NAA60: variants seen among roughly 807,000 people sequenced by gnomAD.
NAA60 encodes N-alpha-acetyltransferase 60, NatF catalytic subunit.
NAA60 carries 8 observed loss-of-function variants against 26.1 expected under a neutral mutation model. The ratio of observed to expected loss-of-function variants is 0.31; its 90% CI spans 0.18 to 0.55. The LOEUF (loss-of-function observed/expected upper bound fraction) is 0.55. NAA60 is among the 20% of genes least tolerant of loss of function. NAA60 has a pLI of 0.93. For missense variants in NAA60, 290 were observed against 311.3 expected, an observed-to-expected ratio of 0.93 and a Z score of 0.51; for synonymous variants, 131 against 122.5, an observed-to-expected ratio of 1.07 and a Z score of -0.46.
chr16:3,453,002 C>T (rs1259200934), intron 2 of NAA60, among the ~76,000 whole-genome samples: 1 of 152,038 alleles, frequency 6.6e-6, no homozygotes, highest in Admixed American at 6.6e-5. Flanking sequence ...GGCTGCGGGC[C>T]GTTTGCCCTG....
intron 6 of NAA60, 185 bp downstream of exon 6, chr16:3,483,782 C>T (rs998310838): frequency 3.4e-6 from 2 of 596,010 alleles, no homozygotes; most frequent in Non-Finnish European, 5.9e-6. Context: ...AATCGAGTTG[C>T]ACATATTACC....
chr16:3,476,071 C>T (rs1170306711), intron 2 of NAA60, 151 bp from the exon 3 acceptor site: 4 of 603,284 alleles, frequency 6.6e-6, no homozygotes, highest in Non-Finnish European at 8.6e-6. Flanking sequence ...CTTGGGAGGG[C>T]GATCGTGAGA....
chr16:3,478,648 ATGAGCAGCCG>A (rs1490048642), intron 3 of NAA60, among the ~76,000 whole-genome samples: 1 of 151,994 alleles, frequency 6.6e-6, no homozygotes, highest in Non-Finnish European at 1.5e-5. Flanking sequence ...CTCATTGTTG[ATGAGCAGCCG>A]TTAGCAGCCT....
rs1332209182 is a variant in NAA60, at chr16:3,483,370, C to T, written c.345C>T (p.Leu115=). 1 of 1,608,658 alleles carries T rather than the reference C, an allele frequency of 6.2e-7. No individual in the cohort carries two copies. Among genetic ancestry groups the T allele is most frequent in the African/African-American group, 1.3e-5 (1 of 74,950 alleles). The change falls in exon 6 of 8, where the codon CTC becomes CTT. Residue 115 remains leucine (L), a synonymous_variant. Transcript: ENST00000407558. ...TTACCTCTTCTCCCCAAGGTTCCCT[C>T]TTACTTGAAAGTTTAAAGGATCACA... is the stretch of plus-strand genomic sequence containing the variant. The part of the protein sequence containing the change: ...KEFRKHGIGS[L]LLESLKDHIS...
intron 2 of NAA60, among the ~76,000 whole-genome samples, chr16:3,454,809 C>T (rs2034913213): frequency 6.6e-6 from 1 of 152,120 alleles, no homozygotes; most frequent in Non-Finnish European, 1.5e-5. Context: ...ATGGGATGAC[C>T]TTAATGGGTT....
intron 2 of NAA60, among the ~76,000 whole-genome samples, chr16:3,449,350 T>C (rs1179751996): frequency 1.3e-5 from 2 of 151,600 alleles, no homozygotes; most frequent in Non-Finnish European, 2.9e-5. Flanking sequence ...AACCCCATCT[T>C]TACTAAAAAT....
At chr16:3,444,443 G>C (rs1441640212) in intron 1 of NAA60, among the ~76,000 whole-genome samples, 1 of 152,024 alleles carries the variant, frequency 6.6e-6, no homozygotes, top group Non-Finnish European at 1.5e-5. Context: ...TTATAAAGGT[G>C]TTTGGGGAAA....
intron 2 of NAA60, among the ~76,000 whole-genome samples, chr16:3,450,351 C>G (rs2034726632): frequency 6.6e-6 from 1 of 152,116 alleles, no homozygotes; most frequent in Non-Finnish European, 1.5e-5. Context: ...TTCTCAGGGT[C>G]TGCCTAGGAA....
chr16:3,446,751 T>C (rs1242557040), intron 1 of NAA60, among the ~76,000 whole-genome samples: 1 of 151,862 alleles, frequency 6.6e-6, no homozygotes, highest in Non-Finnish European at 1.5e-5. Context: ...GATGAGATGA[T>C]GGGCAGATGC....
At chr16:3,451,793 C>T (rs977853207) in intron 2 of NAA60, among the ~76,000 whole-genome samples, 5 of 151,694 alleles carry the variant, frequency 3.3e-5, no homozygotes, top group Middle Eastern at 3.2e-3. Flanking sequence ...TGGTAGGCGC[C>T]TGTACTCCCA....
intron 3 of NAA60, among the ~76,000 whole-genome samples, chr16:3,478,807 A>G (rs1446124938): frequency 6.6e-6 from 1 of 152,104 alleles, no homozygotes; most frequent in African/African-American, 2.4e-5. Flanking sequence ...AGTCTCACAG[A>G]TTCTCGTAGG....
At chr16:3,460,050 G>C (rs891270553) in intron 2 of NAA60, among the ~76,000 whole-genome samples, 1 of 152,178 alleles carries the variant, frequency 6.6e-6, no homozygotes, top group Non-Finnish European at 1.5e-5. Context: ...ACCTGTTAGC[G>C]GTGGTTAGAC....
chr16:3,471,142 C>T (rs933195773), intron 2 of NAA60, among the ~76,000 whole-genome samples: 5 of 152,110 alleles, frequency 3.3e-5, no homozygotes, highest in Admixed American at 2.0e-4. Flanking sequence ...ATGAGAGATG[C>T]GAGCTTATTA....
chr16:3,462,908 T>A (rs2035503205), intron 2 of NAA60, among the ~76,000 whole-genome samples: 1 of 152,168 alleles, frequency 6.6e-6, no homozygotes, highest in Non-Finnish European at 1.5e-5. Flanking sequence ...TTTTTAAATG[T>A]TTTTTTGAAA....
rs1340821265 is a variant in NAA60 at position 3,486,593 on chromosome 16, C to G, written c.*1333C>G. 6.6e-6 allele frequency: 1 copy of G among 152,408 alleles called. No individual in the cohort carries two copies. Among genetic ancestry groups the G allele is most frequent in the Non-Finnish European group, 1.5e-5 (1 of 68,184 alleles). 9.4% of individuals were successfully genotyped at this position (152,408 alleles called of 1,614,324 possible). Reference sequence around the variant, plus strand: ...ACCAGGCAGGAGCAGCATCCCCCTCCTTGACGGTGCTGGCAGGAGGGCCGC... The same window carrying G: ...ACCAGGCAGGAGCAGCATCCCCCTCGTTGACGGTGCTGGCAGGAGGGCCGC... On this transcript the variant is annotated 3_prime_UTR_variant, in exon 8 of 8. Coordinates refer to ENST00000407558, the MANE Select transcript of NAA60 (RefSeq NM_001083601.3).
intron 2 of NAA60, among the ~76,000 whole-genome samples, chr16:3,473,582 A>G (rs746903922): frequency 6.6e-6 from 1 of 152,098 alleles, no homozygotes; most frequent in Non-Finnish European, 1.5e-5. Flanking sequence ...GAGCCAAACC[A>G]TATCATAGTG....
chr16:3,458,354 A>G (rs1251347957), intron 2 of NAA60, among the ~76,000 whole-genome samples: 1 of 150,880 alleles, frequency 6.6e-6, no homozygotes, highest in Non-Finnish European at 1.5e-5. Context: ...TCCTCCCGGG[A>G]GCCGGTTTCG....
At chr16:3,470,514 A>G (rs567314993) in intron 2 of NAA60, among the ~76,000 whole-genome samples, 3 of 152,272 alleles carry the variant, frequency 2.0e-5, no homozygotes, top group East Asian at 3.9e-4. Flanking sequence ...AACCAGCTCC[A>G]CGTCCTTCCC....
At chr16:3,451,450 C>G (rs1192193639) in intron 2 of NAA60, among the ~76,000 whole-genome samples, 1 of 152,146 alleles carries the variant, frequency 6.6e-6, no homozygotes, top group East Asian at 1.9e-4. Flanking sequence ...AAAATGTTTA[C>G]TGTCAGAAAA....
Sources: gnomAD v4.1 joint callset for allele counts (sites outside exome capture counted in the v4.1 genomes callset) on GRCh38, gnomAD v4.1.1 for gene constraint, MANE v1.5 for transcripts, NCBI Gene and HGNC (gene_info 2026-07-23, HGNC 2026-07-21) for gene names.